ROBO2: variants seen among roughly 807,000 people sequenced by gnomAD.
The protein encoded by ROBO2 is roundabout homolog 2.
ROBO2 carries 53 observed loss-of-function variants against 160.8 expected under a neutral mutation model. The observed-to-expected ratio is 0.33, with a 90% CI of 0.26 to 0.41. The LOEUF is 0.41. Ranked by LOEUF, ROBO2 falls within the 10% of genes least tolerant of loss-of-function variation. ROBO2 has a pLI of 1.00. For synonymous variants in ROBO2, 664 were observed against 611.7 expected, an observed-to-expected ratio of 1.09 and a Z score of -1.26; for missense variants, 1,577 against 1,722.4, an observed-to-expected ratio of 0.92 and a Z score of 1.49.
chr3:76,777,189 T>A lies in ROBO2; in HGVS notation c.110-320825T>A, dbSNP rs367743801. ...GATCCAGCAAGGCACACTGTTTAAC[T>A]GCTAGCCTGCCATTTTACACTGATT... On this transcript the variant is annotated intron_variant, in intron 2 of 26. Coordinates refer to the ROBO2 transcript ENST00000487694. Among the ~76,000 whole-genome samples, 122 of 151,256 alleles carry A rather than the reference T, an allele frequency of 8.1e-4. 2 individuals are homozygous for A. In the South Asian group the frequency reaches 0.024, roughly 30 times the overall value.
At chr3:76,786,185 T>A (rs2062959709) in intron 2 of ROBO2, among the ~76,000 whole-genome samples, 1 of 151,334 alleles carries the variant, frequency 6.6e-6, no homozygotes, top group Non-Finnish European at 1.5e-5. Context: ...AGTTTGTATT[T>A]CTGATCCATA....
intron 2 of ROBO2, among the ~76,000 whole-genome samples, chr3:76,680,743 A>G (rs2092539740): frequency 6.6e-6 from 1 of 152,012 alleles, no homozygotes; most frequent in Non-Finnish European, 1.5e-5. Flanking sequence ...CCTTATCACC[A>G]TTCAGTACAG....
At chr3:76,755,165 A>G (rs1348221575) in intron 2 of ROBO2, among the ~76,000 whole-genome samples, 1 of 151,896 alleles carries the variant, frequency 6.6e-6, no homozygotes, top group Non-Finnish European at 1.5e-5. Context: ...TTTCCTATGT[A>G]ATAAATTCTA....
chr3:76,028,525 G>A (rs1349887835), intron 2 of ROBO2, among the ~76,000 whole-genome samples: 1 of 151,920 alleles, frequency 6.6e-6, no homozygotes, highest in African/African-American at 2.4e-5. Context: ...TCTAAAGGAA[G>A]TTGCTAATGA....
intron 2 of ROBO2, among the ~76,000 whole-genome samples, chr3:76,936,567 AT>A (rs2077715444): frequency 6.6e-6 from 1 of 151,832 alleles, no homozygotes; most frequent in Non-Finnish European, 1.5e-5. Flanking sequence ...GGACTGATAA[AT>A]TAATTATTTG....
intron 2 of ROBO2, chr3:77,317,075 C>T (rs1410717518): frequency 2.1e-6 from 3 of 1,432,518 alleles, no homozygotes; most frequent in Non-Finnish European, 3.0e-6. Flanking sequence ...AGCTGGAATT[C>T]ATCAGTCCTG....
chr3:76,553,714 T>A (rs76876423), intron 2 of ROBO2, among the ~76,000 whole-genome samples: 9,267 of 152,256 alleles, frequency 0.061, 582 homozygotes, highest in East Asian at 0.24. Flanking sequence ...AGCTTTCTGT[T>A]TCATGTAAAT....
At chr3:76,301,719 G>A (rs534596734) in intron 2 of ROBO2, among the ~76,000 whole-genome samples, 6 of 152,082 alleles carry the variant, frequency 3.9e-5, no homozygotes, top group African/African-American at 1.2e-4. Flanking sequence ...ATGTATTCTC[G>A]TTTTCTCTCA....
chr3:77,522,690 T>C (rs2090729193), intron 5 of ROBO2, 85 bp from the exon 6 acceptor site: 3 of 1,431,444 alleles, frequency 2.1e-6, no homozygotes, highest in African/African-American at 2.9e-5. Flanking sequence ...AAATACAGTA[T>C]AAAAAGAAAA....
At chr3:76,378,971 C>G (rs141780454) in intron 2 of ROBO2, among the ~76,000 whole-genome samples, 3 of 152,250 alleles carry the variant, frequency 2.0e-5, no homozygotes, top group African/African-American at 7.2e-5. Context: ...ACTATATTAT[C>G]TAGGCAATTG....
At chr3:77,029,700 G>A (rs932645111) in intron 2 of ROBO2, among the ~76,000 whole-genome samples, 3 of 152,046 alleles carry the variant, frequency 2.0e-5, no homozygotes, top group Non-Finnish European at 4.4e-5. Context: ...TTTAAATTTT[G>A]ATATGATCCT....
intron 2 of ROBO2, among the ~76,000 whole-genome samples, chr3:77,473,054 G>A (rs960574708): frequency 6.6e-6 from 1 of 151,920 alleles, no homozygotes; most frequent in African/African-American, 2.4e-5. Context: ...CAGAGGGAGG[G>A]GTTCCGAGCG....
At chr3:76,427,504 C>CA (rs1045867000) in intron 2 of ROBO2, among the ~76,000 whole-genome samples, 15 of 151,720 alleles carry the variant, frequency 9.9e-5, no homozygotes, top group African/African-American at 2.9e-4. Flanking sequence ...CCTGTGGCTG[C>CA]AAAAAAATGT....
intron 2 of ROBO2, among the ~76,000 whole-genome samples, chr3:76,011,573 A>G (rs644266): frequency 0.43 from 66,061 of 151,948 alleles, 15,847 homozygotes; most frequent in South Asian, 0.67. Context: ...TCAGATCTGT[A>G]TTCAGTTACA....
intron 1 of ROBO2, among the ~76,000 whole-genome samples, chr3:75,937,307 A>G (rs1947827015): frequency 6.6e-6 from 1 of 152,194 alleles, no homozygotes; most frequent in African/African-American, 2.4e-5. Context: ...GAGCTTTCAT[A>G]TTAATCATCA....
At chr3:76,499,418 C>T (rs1345011711) in intron 2 of ROBO2, among the ~76,000 whole-genome samples, 2 of 152,180 alleles carry the variant, frequency 1.3e-5, no homozygotes, top group Non-Finnish European at 2.9e-5. Context: ...TTCTCTATCC[C>T]AATGTCCAAC....
intron 2 of ROBO2, among the ~76,000 whole-genome samples, chr3:76,001,226 G>T (rs1171402990): frequency 6.6e-6 from 1 of 152,092 alleles, no homozygotes; most frequent in Non-Finnish European, 1.5e-5. Context: ...AACAATTTAA[G>T]GGCTATAGAA....
chr3:77,574,757 T>A (rs1365072106), intron 14 of ROBO2, 27 bp downstream of exon 15: 1 of 1,575,702 alleles, frequency 6.3e-7, no homozygotes, highest in Admixed American at 1.7e-5. Context: ...CGAATATAAA[T>A]CAAACATGAT....
At chr3:75,984,989 A>G (rs962438632) in intron 2 of ROBO2, among the ~76,000 whole-genome samples, 7 of 151,522 alleles carry the variant, frequency 4.6e-5, no homozygotes, top group Admixed American at 2.0e-4. Context: ...CCCTATTAGT[A>G]TCTGCATGTT....
Sources: gnomAD v4.1 joint callset for allele counts (sites outside exome capture counted in the v4.1 genomes callset) on GRCh38, gnomAD v4.1.1 for gene constraint, MANE v1.5 for transcripts, NCBI Gene and HGNC (gene_info 2026-07-23, HGNC 2026-07-21) for gene names.